Variants in ST3GAL1 observed in about 807,000 individuals in gnomAD.
The protein encoded by ST3GAL1 is CMP-N-acetylneuraminate-beta-galactosamide-alpha-2,3-sialyltransferase 1.
ST3GAL1 carries 16 observed loss-of-function variants against 34.1 expected under a neutral mutation model. The ratio of observed to expected loss-of-function variants is 0.47; its 90% CI spans 0.32 to 0.71. The LOEUF is 0.71. Among genes scored for constraint, ST3GAL1 ranks in the 30% least tolerant of loss-of-function variants. The pLI is 0.04. For missense variants in ST3GAL1, 353 were observed against 447.4 expected (o/e 0.79, Z 1.90); for synonymous variants, 191 against 184.7 (o/e 1.03, Z -0.28).
chr8:133,509,215 C>T lies in ST3GAL1; in HGVS notation c.-428-10026G>A, dbSNP rs145163035. On this transcript the variant is annotated intron_variant, in intron 2 of 9. Coordinates refer to ENST00000522652, the MANE Select transcript of ST3GAL1 (RefSeq NM_173344.3). ...ACTGAATGAAATTTAAAGCACAGTT[C>T]CTCAGTGTCACCAGCCAAATTTCAA... Among the ~76,000 whole-genome samples, 260 of 152,328 alleles carry T rather than the reference C, an allele frequency of 1.7e-3. 2 individuals carry two copies. In the Middle Eastern group the frequency reaches 0.024, roughly 14 times the overall value.
intron 3 of ST3GAL1, among the ~76,000 whole-genome samples, chr8:133,496,562 G>C (rs1288500207): frequency 6.6e-6 from 1 of 152,202 alleles, no homozygotes; most frequent in African/African-American, 2.4e-5. Context: ...ACACCTTTCT[G>C]TTCCATTTTC....
At chr8:133,470,629 G>A (rs1197149767) in intron 5 of ST3GAL1, among the ~76,000 whole-genome samples, 2 of 152,196 alleles carry the variant, frequency 1.3e-5, no homozygotes, top group Admixed American at 6.5e-5. Flanking sequence ...AGCTTCCCTG[G>A]AAGCAGAGGC....
In ST3GAL1 at chr8:133,532,067, C is replaced by A. The variant is rs79429531; in HGVS notation, c.-429+13707G>T. On this transcript the variant is annotated intron_variant, in intron 2 of 9. Transcript: ENST00000522652. ...TGAATACAGAGGCAGAGATGAAAAC[C>A]CAGCTGTTTTCCTTTAAGCCAGATA... Among the ~76,000 whole-genome samples the A allele has an allele frequency of 0.018, 2,735 of 152,160 alleles. 142 individuals carry two copies. In the East Asian group the frequency reaches 0.2, roughly 11 times the overall value.
intron 3 of ST3GAL1, among the ~76,000 whole-genome samples, chr8:133,480,247 GCA>G (rs1816331739): frequency 6.6e-6 from 1 of 152,222 alleles, no homozygotes; most frequent in African/African-American, 2.4e-5. Context: ...ACAAATGTCA[GCA>G]CACTTTTGGG....
intron 2 of ST3GAL1, among the ~76,000 whole-genome samples, chr8:133,510,485 G>A (rs2945752): frequency 0.039 from 5,932 of 152,154 alleles, 153 homozygotes; most frequent in Middle Eastern, 0.068. Flanking sequence ...TGTACATGCC[G>A]GGCAATTCTA....
chr8:133,529,464 G>A (rs964521452), intron 2 of ST3GAL1, among the ~76,000 whole-genome samples: 1 of 152,182 alleles, frequency 6.6e-6, no homozygotes, highest in African/African-American at 2.4e-5. Context: ...GCTAACAGGG[G>A]AGGCAGACAG....
chr8:133,518,224 T>C (rs1404363576), intron 2 of ST3GAL1, among the ~76,000 whole-genome samples: 1 of 152,304 alleles, frequency 6.6e-6, no homozygotes, highest in Non-Finnish European at 1.5e-5. Flanking sequence ...GGGTGGGTCC[T>C]GCAGGGCTGC....
chr8:133,570,837 G>T lies in ST3GAL1; in HGVS notation c.-582+856C>A, dbSNP rs935889450. Among the ~76,000 whole-genome samples the T allele has an allele frequency of 3.9e-5, 6 of 152,216 alleles. No homozygotes were observed. ...GTGCGCTCCCAGAAGGGGTGGCCCTGCCCCCACGCAGGTCACACACACGAG... is the reference window on the plus strand; with the variant it reads ...GTGCGCTCCCAGAAGGGGTGGCCCTTCCCCCACGCAGGTCACACACACGAG... On this transcript the variant is annotated intron_variant, in intron 1 of 9. Coordinates refer to ENST00000522652, the MANE Select transcript of ST3GAL1 (RefSeq NM_173344.3). This position sits in a 1 kb window ranked among gnomAD's most constrained non-coding sequence, Gnocchi z 5.6.
chr8:133,530,986 T>C (rs1818135054), intron 2 of ST3GAL1, among the ~76,000 whole-genome samples: 1 of 151,896 alleles, frequency 6.6e-6, no homozygotes, highest in Non-Finnish European at 1.5e-5. Context: ...AGGGCAGGGG[T>C]CCGCAGACTC....
chr8:133,525,974 C>A lies in ST3GAL1; in HGVS notation c.-429+19800G>T, dbSNP rs61736418. Among the ~76,000 whole-genome samples the A allele has an allele frequency of 2.0e-3, 298 of 152,174 alleles. 1 individual carries two copies. The highest frequency in any genetic ancestry group is 6.8e-3 in the African/African-American group (284 of 41,524). On this transcript the variant is annotated intron_variant, in intron 2 of 9. Transcript: ENST00000522652. ...CTGGGAGCTCAGGGCTCCTGCCCTGCCAACTTGATAGAAGGCAGGGTTCCC... is the reference window on the plus strand; with the variant it reads ...CTGGGAGCTCAGGGCTCCTGCCCTGACAACTTGATAGAAGGCAGGGTTCCC...
chr8:133,502,799 A>G (rs191038084), intron 2 of ST3GAL1, among the ~76,000 whole-genome samples: 2 of 152,356 alleles, frequency 1.3e-5, no homozygotes, highest in Admixed American at 1.3e-4. Flanking sequence ...ATCTGTCTGC[A>G]GAGCCCAGTG....
At position 133,461,642 on chromosome 8, in the gene ST3GAL1, A is replaced by G. The variant is rs918184356; in HGVS notation, c.849+233T>C. ...AGCTTCCACCACCACGGTCCTGGGC[A>G]CTTACACAGAATGTGCCAGAACTAT... On this transcript the variant is annotated intron_variant, in intron 9 of 9. Coordinates refer to ENST00000522652, the MANE Select transcript of ST3GAL1 (RefSeq NM_173344.3). This position sits in a 1 kb window ranked among gnomAD's most constrained non-coding sequence, Gnocchi z 4.7. 1.3e-5 allele frequency among the ~76,000 whole-genome samples: 2 copies of G among 152,200 alleles called. No individual in the cohort carries two copies. The highest frequency in any genetic ancestry group is 2.4e-5 in the African/African-American group (1 of 41,458).
chr8:133,559,631 T>C (rs1819158633), intron 1 of ST3GAL1, among the ~76,000 whole-genome samples: 2 of 152,118 alleles, frequency 1.3e-5, no homozygotes. Flanking sequence ...CACCAGGTGG[T>C]AGGATTAACA....
At position 133,461,079 on chromosome 8, in the gene ST3GAL1, G is replaced by A. The variant is rs1815480872; in HGVS notation, c.849+796C>T. On this transcript the variant is annotated intron_variant, in intron 9 of 9. Coordinates refer to ENST00000522652, the MANE Select transcript of ST3GAL1 (RefSeq NM_173344.3). The surrounding 1 kb of genome is among the most constrained non-coding windows in gnomAD (Gnocchi z 4.7). ...GACCAGCTGGCTGGAGGTGGGTGGG[G>A]TGGGGAAATGACAGGGGCACCCATG... 6.6e-6 allele frequency among the ~76,000 whole-genome samples: 1 copy of A among 152,138 alleles called. No individual in the cohort carries two copies. Among genetic ancestry groups the A allele is most frequent in the Non-Finnish European group, 1.5e-5 (1 of 68,024 alleles).
intron 2 of ST3GAL1, among the ~76,000 whole-genome samples, chr8:133,517,044 A>G (rs1242745050): frequency 1.3e-5 from 2 of 152,266 alleles, no homozygotes; most frequent in African/African-American, 4.8e-5. Context: ...GCCCACTGGC[A>G]TAAGAGCTGT....
At chr8:133,516,531 G>T (rs1459291599) in intron 2 of ST3GAL1, among the ~76,000 whole-genome samples, 1 of 152,066 alleles carries the variant, frequency 6.6e-6, no homozygotes, top group Non-Finnish European at 1.5e-5. Flanking sequence ...GAATTTTCTG[G>T]CTCCCTCCTA....
intron 3 of ST3GAL1, among the ~76,000 whole-genome samples, 199 bp from the exon 4 acceptor site, chr8:133,476,799 A>T (rs1816199564): frequency 6.6e-6 from 1 of 152,196 alleles, no homozygotes. Context: ...ATCTCTTTGC[A>T]AGGTTATTAT....
At chr8:133,478,844 C>A (rs1402542131) in intron 3 of ST3GAL1, among the ~76,000 whole-genome samples, 3 of 152,184 alleles carry the variant, frequency 2.0e-5, no homozygotes, top group Non-Finnish European at 4.4e-5. Flanking sequence ...GGAAACTCAG[C>A]CTCACTATGG....
In ST3GAL1 at chr8:133,560,312, T is replaced by C. The variant is rs1472631263; in HGVS notation, c.-582+11381A>G. Among the ~76,000 whole-genome samples the C allele has an allele frequency of 2.6e-5, 4 of 152,054 alleles. No homozygotes were observed. The South Asian group carries it at 8.3e-4, about 31-fold the overall frequency. On this transcript the variant is annotated intron_variant, in intron 1 of 9. Transcript: ENST00000522652. Reference sequence around the variant, plus strand: ...TCACTTCCATCAGCATGACAACTTATAACAGAAAAAGTATTTGCATTTCGT... The same window carrying C: ...TCACTTCCATCAGCATGACAACTTACAACAGAAAAAGTATTTGCATTTCGT...
Sources: gnomAD v4.1 joint callset for allele counts (sites outside exome capture counted in the v4.1 genomes callset) on GRCh38, gnomAD v4.1.1 for gene constraint, Gnocchi (gnomAD v3.1) non-coding constraint, MANE v1.5 for transcripts, NCBI Gene and HGNC (gene_info 2026-07-23, HGNC 2026-07-21) for gene names.